PCDHA1: variants seen among roughly 807,000 people sequenced by gnomAD.
The protein encoded by PCDHA1 is protocadherin alpha 1.
PCDHA1 carries 42 observed loss-of-function variants against 61.3 expected under a neutral mutation model. The ratio of observed to expected loss-of-function variants is 0.69; its 90% CI spans 0.54 to 0.89. The LOEUF (loss-of-function observed/expected upper bound fraction) is 0.89, where lower values mean the gene tolerates loss of function less well. Ranked by LOEUF, PCDHA1 falls within the 40% of genes least tolerant of loss-of-function variation. PCDHA1 has a pLI of 0.00. For synonymous variants in PCDHA1, 610 were observed against 553.8 expected, an observed-to-expected ratio of 1.10 and a Z score of -1.43; for missense variants, 1,256 against 1,235.3, an observed-to-expected ratio of 1.02 and a Z score of -0.25.
At chr5:140,870,034 G>GA in intron 1 of PCDHA1, 6 of 1,613,690 alleles carry the variant, frequency 3.7e-6, no homozygotes, top group Non-Finnish European at 5.1e-6. Flanking sequence ...AGATTATGAA[G>GA]AAAACAAGTT....
intron 1 of PCDHA1, chr5:140,842,531 T>G: frequency 6.2e-7 from 1 of 1,613,052 alleles, no homozygotes; most frequent in Non-Finnish European, 8.5e-7. Flanking sequence ...CTTCAAGAAT[T>G]ACTACTCGTT....
chr5:140,918,895 A>G (rs1319042193), intron 1 of PCDHA1, among the ~76,000 whole-genome samples: 2 of 152,206 alleles, frequency 1.3e-5, no homozygotes, highest in East Asian at 3.9e-4. Flanking sequence ...TGAAAAATAA[A>G]TCTCTCTTGT....
chr5:140,925,782 A>T (rs567008166), intron 1 of PCDHA1, among the ~76,000 whole-genome samples: 10 of 152,174 alleles, frequency 6.6e-5, no homozygotes, highest in Admixed American at 4.6e-4. Context: ...AACTCTAATG[A>T]GTATCTCAGT....
chr5:140,869,613 CA>C (rs782134760), intron 1 of PCDHA1: 1 of 1,613,944 alleles, frequency 6.2e-7, no homozygotes. Flanking sequence ...TATTGACCTA[CA>C]GGCTAAGTAA....
chr5:140,862,675 G>A, intron 1 of PCDHA1: 1 of 550,422 alleles, frequency 1.8e-6, no homozygotes, highest in South Asian at 1.4e-5. Context: ...GCAGGAGAAC[G>A]TGCTGGTGTC....
At chr5:140,813,285 T>C (rs1324188008) in intron 1 of PCDHA1, 2 of 151,914 alleles carry the variant, frequency 1.3e-5, no homozygotes, top group African/African-American at 4.9e-5. Context: ...GAGAATTGTA[T>C]CATTCTGAGA....
At chr5:140,811,828 C>T (rs1554125821) in intron 1 of PCDHA1, 1 of 152,138 alleles carries the variant, frequency 6.6e-6, no homozygotes, top group East Asian at 1.9e-4. Context: ...ATATCCTTTG[C>T]CCACTTTTTG....
At chr5:140,977,342 T>A (rs1554238451) in intron 1 of PCDHA1, among the ~76,000 whole-genome samples, 1 of 152,222 alleles carries the variant, frequency 6.6e-6, no homozygotes, top group South Asian at 2.1e-4. Context: ...GAGACGGTGA[T>A]GATGACTGAT....
At chr5:140,797,894 C>T (rs145683571) in intron 1 of PCDHA1, among the ~76,000 whole-genome samples, 3,723 of 152,198 alleles carry the variant, frequency 0.024, 64 homozygotes, top group Non-Finnish European at 0.038. Context: ...GCTCTGTCAC[C>T]TAGGCTGGAG....
At chr5:140,796,863 G>A (rs137893224) in intron 1 of PCDHA1, 2 of 1,613,954 alleles carry the variant, frequency 1.2e-6, no homozygotes, top group South Asian at 1.1e-5. Context: ...AGATCAGCAC[G>A]ACACGTGCCC....
chr5:140,850,833 G>A, intron 1 of PCDHA1: 1 of 1,598,078 alleles, frequency 6.3e-7, no homozygotes, highest in Non-Finnish European at 8.6e-7. Flanking sequence ...TTCTCCTTGT[G>A]CTGGATCTAC....
chr5:140,909,234 A>G (rs782659410), intron 1 of PCDHA1, among the ~76,000 whole-genome samples: 12 of 152,220 alleles, frequency 7.9e-5, no homozygotes, highest in Non-Finnish European at 1.3e-4. Context: ...GTAGGATGGT[A>G]AAGATATATT....
At chr5:140,979,704 T>C (rs1430662594) in intron 2 of PCDHA1, among the ~76,000 whole-genome samples, 1 of 152,246 alleles carries the variant, frequency 6.6e-6, no homozygotes, top group Non-Finnish European at 1.5e-5. Context: ...TTTCTGGAGG[T>C]GATCCAGTAT....
intron 1 of PCDHA1, among the ~76,000 whole-genome samples, chr5:140,958,853 G>T (rs897789588): frequency 1.3e-5 from 2 of 151,804 alleles, no homozygotes; most frequent in Non-Finnish European, 2.9e-5. Context: ...AGTGTCTTTG[G>T]TTTACTGGGT....
chr5:140,801,411 G>A (rs201362111), intron 1 of PCDHA1: 61 of 1,613,736 alleles, frequency 3.8e-5, no homozygotes, highest in Non-Finnish European at 5.1e-5. Flanking sequence ...CAAAAGACAC[G>A]GGGACCTTCT....
intron 1 of PCDHA1, among the ~76,000 whole-genome samples, chr5:140,908,387 T>A (rs536105622): frequency 1.3e-5 from 2 of 152,230 alleles, no homozygotes; most frequent in Admixed American, 1.3e-4. Flanking sequence ...TCGAGCCCGA[T>A]CACATATATA....
rs1181136155 is a variant in PCDHA1, at chr5:140,966,778, G to C, written c.2395-12171G>C. Reference sequence around the variant, plus strand: ...CGCGGCCAGTGGCTATGGAGCAGGCGGGCACCAGACCTGCGGCGACAGAGC... The same window carrying C: ...CGCGGCCAGTGGCTATGGAGCAGGCCGGCACCAGACCTGCGGCGACAGAGC... On this transcript the variant is annotated intron_variant, in intron 1 of 3. Transcript: ENST00000504120. The C allele has an allele frequency of 4.0e-6, 6 of 1,512,380 alleles. No homozygotes were observed. The African/African-American group carries it at 8.3e-5, about 21-fold the overall frequency. The allele number at this position is 1,512,380 out of a possible 1,614,324, so 93.7% of individuals were successfully genotyped here. A position where few individuals can be genotyped will look rare whatever the true frequency, so the allele number is the denominator to read the frequency against.
chr5:140,822,847 G>C, intron 1 of PCDHA1: 1 of 1,614,212 alleles, frequency 6.2e-7, no homozygotes, highest in Non-Finnish European at 8.5e-7. Flanking sequence ...TTTCCTGCCT[G>C]TCAAAGAGGA....
intron 1 of PCDHA1, among the ~76,000 whole-genome samples, chr5:140,917,324 C>CGGGG (rs1299895515): frequency 3.9e-5 from 3 of 76,180 alleles, no homozygotes; most frequent in African/African-American, 8.6e-5. Context: ...GTTCATGTGG[C>CGGGG]GGGGGAGGGG....
Sources: allele counts gnomAD v4.1 joint callset (sites outside exome capture counted in the v4.1 genomes callset), GRCh38; gene constraint gnomAD v4.1.1; transcripts MANE v1.5; gene names NCBI Gene and HGNC (gene_info 2026-07-23, HGNC 2026-07-21).